The following TBX3 variants were observed in gnomAD, a reference collection of about 807,000 sequenced individuals.
TBX3 encodes the protein T-box transcription factor 3, also known as T-box transcription factor TBX3.
A neutral mutation model predicts 47.8 loss-of-function variants in TBX3; 11 were observed. That is an observed-to-expected ratio of 0.23 (90% confidence interval 0.14 to 0.38). The LOEUF is 0.38. Among genes scored for constraint, TBX3 ranks in the 10% least tolerant of loss-of-function variants. TBX3 has a pLI of 1.00. For synonymous variants in TBX3, 500 were observed against 449.3 expected (o/e 1.11, Z -1.43); for missense variants, 927 against 1,022.8 (o/e 0.91, Z 1.28).
intron 4 of TBX3, 47 bp from the exon 5 acceptor site, chr12:114,676,517 C>G: frequency 1.9e-6 from 3 of 1,612,262 alleles, no homozygotes; most frequent in Non-Finnish European, 2.5e-6. Flanking sequence ...ACATACATTT[C>G]CCCTCTTTGT....
chr12:114,673,386 C>T (rs891742658), intron 6 of TBX3, among the ~76,000 whole-genome samples: 1 of 152,204 alleles, frequency 6.6e-6, no homozygotes, highest in Non-Finnish European at 1.5e-5. Context: ...CTGAGACCTC[C>T]CCCCAGCACA....
In TBX3 at chr12:114,676,452, C is replaced by A; in HGVS notation, c.900G>T (p.Gln300His). The part of the protein sequence containing the change: ...RREKRKQLTL[Q>H]SMRVFDERHK... ...GTCTTTCATCAAACACCCTCATGGA[C>A]TGCAGGGTGAGCTGTTTTCTGTGGC... The change falls in exon 5 of 7, where the codon CAG (glutamine) becomes CAT (histidine). Residue 300 changes from glutamine to histidine, a missense_variant. Transcript: ENST00000349155. 6.2e-7 allele frequency: 1 copy of A among 1,614,262 alleles called. No homozygotes were observed. Among genetic ancestry groups the A allele is most frequent in the Non-Finnish European group, 8.5e-7 (1 of 1,180,056 alleles).
At chr12:114,681,325 G>A (rs566571128) in intron 1 of TBX3, among the ~76,000 whole-genome samples, 179 bp from the exon 2 acceptor site, 4 of 152,254 alleles carry the variant, frequency 2.6e-5, no homozygotes, top group South Asian at 4.2e-4. Flanking sequence ...CACAACTAAC[G>A]TATTAAATAT....
chr12:114,672,452 G>GT, intron 6 of TBX3, 150 bp from the exon 7 acceptor site: 1 of 611,822 alleles, frequency 1.6e-6, no homozygotes, highest in Non-Finnish European at 2.6e-6. Flanking sequence ...TTTTTTGGGG[G>GT]GGGAGATAGG....
In TBX3 at chr12:114,671,758, C is replaced by T. The variant is rs1387130329; in HGVS notation, c.*83G>A. 3 of 1,515,644 alleles carry T rather than the reference C, an allele frequency of 2.0e-6. No individual in the cohort carries two copies. The highest frequency in any genetic ancestry group is 2.7e-6 in the Non-Finnish European group (3 of 1,118,066). The allele number at this position is 1,515,644 out of a possible 1,614,324, so 93.9% of individuals were successfully genotyped here. A position where few individuals can be genotyped will look rare whatever the true frequency, so the allele number is the denominator to read the frequency against. ...GCAAAAGGAAGGGCTAACGCCATGG[C>T]GGGCCCGTGGTTTATTTTATATCCG... On this transcript the variant is annotated 3_prime_UTR_variant, in exon 7 of 7. Transcript: ENST00000349155.
rs1453795458 is a variant in TBX3 at position 114,674,724 on chromosome 12, C to G, written c.1151G>C (p.Cys384Ser). 1.2e-6 allele frequency: 2 copies of G among 1,600,318 alleles called. No homozygotes were observed. Among genetic ancestry groups the G allele is most frequent in the East Asian group, 4.5e-5 (2 of 44,602 alleles). ...GACCGCGGGGCTGCCCTTGTCACGGCAGGGCTCCTCCGACGTGGTGGTGGA... is the reference window on the plus strand; with the variant it reads ...GACCGCGGGGCTGCCCTTGTCACGGGAGGGCTCCTCCGACGTGGTGGTGGA... Reference protein sequence around the residue: ...KISTTTSEEPCRDKGSPAVKA... With the variant: ...KISTTTSEEPSRDKGSPAVKA... Residue 384 changes from cysteine (C) to serine (S), a missense_variant, in exon 6 of 7, where the codon TGC becomes TCC. Coordinates refer to ENST00000349155, the MANE Select transcript of TBX3 (RefSeq NM_005996.4).
intron 3 of TBX3, 58 bp downstream of exon 3, chr12:114,679,447 C>A: frequency 1.9e-6 from 3 of 1,609,058 alleles, no homozygotes; most frequent in Non-Finnish European, 2.6e-6. Flanking sequence ...TGACTTAAAG[C>A]AGCTTTTAAG....
intron 4 of TBX3, among the ~76,000 whole-genome samples, chr12:114,677,149 T>C (rs1447116503): frequency 6.6e-6 from 1 of 152,200 alleles, no homozygotes; most frequent in Admixed American, 6.5e-5. Context: ...AAATGATACA[T>C]GTCCCCACGA....
chr12:114,672,436 G>GC, intron 6 of TBX3, 134 bp from the exon 7 acceptor site: 2 of 421,016 alleles, frequency 4.8e-6, no homozygotes, highest in Non-Finnish European at 7.4e-6. Flanking sequence ...TTGTTGTTGT[G>GC]TTTTTTTTTT....
intron 1 of TBX3, among the ~76,000 whole-genome samples, chr12:114,681,524 G>A (rs1028164542): frequency 3.3e-5 from 5 of 152,114 alleles, no homozygotes; most frequent in African/African-American, 1.2e-4. Context: ...AACAGGTTGG[G>A]GTAAGATTTT....
Position 114,683,386 on chromosome 12 carries a change from AGT to A in TBX3, c.-188_-187del, listed in dbSNP as rs1400491275. 9 of 793,368 alleles carry A rather than the reference AGT, an allele frequency of 1.1e-5. No individual in the cohort carries two copies. The highest frequency in any genetic ancestry group is 1.5e-5 in the Non-Finnish European group (8 of 519,456). 49.1% of individuals were successfully genotyped at this position (793,368 alleles called of 1,614,324 possible). ...AATGCACTTCAAAGGGAGGAGGGGAAGTGTCTTTTGGAGAATGGGAGGCCGCT... is the reference window on the plus strand; with the variant it reads ...AATGCACTTCAAAGGGAGGAGGGGAAGTCTTTTGGAGAATGGGAGGCCGCT... On this transcript the variant is annotated 5_prime_UTR_variant, in exon 1 of 7. Transcript: ENST00000349155. The surrounding 1 kb of genome is among the most constrained non-coding windows in gnomAD (Gnocchi z 7.7).
At position 114,684,042 on chromosome 12, in the gene TBX3, A is replaced by C. The variant is rs985940696; in HGVS notation, c.-842T>G. 5 of 230,126 alleles carry C rather than the reference A, an allele frequency of 2.2e-5. No homozygotes were observed. The highest frequency in any genetic ancestry group is 5.7e-5 in the Admixed American group (1 of 17,526). 14.3% of individuals were successfully genotyped at this position (230,126 alleles called of 1,614,324 possible). A position where few individuals can be genotyped will look rare whatever the true frequency, so the allele number is the denominator to read the frequency against. On this transcript the variant is annotated 5_prime_UTR_variant, in exon 1 of 7. Transcript: ENST00000349155. Reference sequence around the variant, plus strand: ...GGGCAGGGAGGATTTAGAGGGGGAAAAAATGGAACAGAGGGAAAGAGAGGG... The same window carrying C: ...GGGCAGGGAGGATTTAGAGGGGGAACAAATGGAACAGAGGGAAAGAGAGGG...
Position 114,674,821 on chromosome 12 carries a change from C to T in TBX3, c.1054G>A (p.Glu352Lys). ...TSNLKDLCPS[E>K]GESDAEAESK... ...TCGGCCTCGGCGTCGCTCTCACCCTCGCTGGGACATAAATCTACCACAGGC... is the reference window on the plus strand; with the variant it reads ...TCGGCCTCGGCGTCGCTCTCACCCTTGCTGGGACATAAATCTACCACAGGC... Residue 352 changes from glutamate to lysine, a missense_variant, in exon 6 of 7, where the codon GAG becomes AAG. Transcript: ENST00000349155. 6.4e-7 allele frequency: 1 copy of T among 1,573,050 alleles called. No individual in the cohort carries two copies. Among genetic ancestry groups the T allele is most frequent in the Non-Finnish European group, 8.6e-7 (1 of 1,165,668 alleles).
chr12:114,676,476 G>A lies in TBX3; in HGVS notation c.882-6C>T. 6.2e-7 allele frequency: 1 copy of A among 1,614,206 alleles called. No individual in the cohort carries two copies. Among genetic ancestry groups the A allele is most frequent in the Non-Finnish European group, 8.5e-7 (1 of 1,180,034 alleles). ...ACTGCAGGGTGAGCTGTTTTCTGTG[G>A]CAGAAGCCCACACCCAGGTTACAGA... On this transcript the variant is annotated splice_region_variant and splice_polypyrimidine_tract_variant and intron_variant, in intron 4 of 6. Coordinates refer to ENST00000349155, the MANE Select transcript of TBX3 (RefSeq NM_005996.4).
At chr12:114,674,119 G>A in intron 6 of TBX3, 46 bp downstream of exon 6, 1 of 1,561,574 alleles carries the variant, frequency 6.4e-7, no homozygotes, top group Non-Finnish European at 8.7e-7. Flanking sequence ...AGGGAAACTG[G>A]ACGAAAGGTG....
chr12:114,675,390 C>A lies in TBX3; in HGVS notation c.1040-555G>T, dbSNP rs561664766. ...CAGAACGGACACCTGTCCTTCAACA[C>A]CAGTACTCAGTTGAACCGTTTGTAT... is the stretch of plus-strand genomic sequence containing the variant. On this transcript the variant is annotated intron_variant, in intron 5 of 6. Coordinates refer to ENST00000349155, the MANE Select transcript of TBX3 (RefSeq NM_005996.4). Among the ~76,000 whole-genome samples, 4 of 152,276 alleles carry A rather than the reference C, an allele frequency of 2.6e-5. No homozygotes were observed. In the South Asian group the frequency reaches 8.3e-4, roughly 32 times the overall value.
chr12:114,672,801 A>C (rs1868509775), intron 6 of TBX3, among the ~76,000 whole-genome samples: 2 of 152,028 alleles, frequency 1.3e-5, no homozygotes, highest in South Asian at 4.1e-4. Context: ...TTCTTCCCCA[A>C]CCCCCATCCT....
In TBX3 at chr12:114,670,393, C is replaced by A. The variant is rs1050039294; in HGVS notation, c.*1448G>T. 1 of 221,814 alleles carries A rather than the reference C, an allele frequency of 4.5e-6. No individual in the cohort carries two copies. Among genetic ancestry groups the A allele is most frequent in the Non-Finnish European group, 9.0e-6 (1 of 110,954 alleles). 13.7% of individuals were successfully genotyped at this position (221,814 alleles called of 1,614,324 possible). A position where few individuals can be genotyped will look rare whatever the true frequency, so the allele number is the denominator to read the frequency against. Reference sequence around the variant, plus strand: ...TTTGTCTTTAAACCATCTCTCAGCACCTGACTTTTGAACTGTGAATATATC... The same window carrying A: ...TTTGTCTTTAAACCATCTCTCAGCAACTGACTTTTGAACTGTGAATATATC... On this transcript the variant is annotated 3_prime_UTR_variant, in exon 7 of 7. Transcript: ENST00000349155.
chr12:114,677,782 G>A, intron 3 of TBX3, 126 bp from the exon 4 acceptor site: 1 of 849,778 alleles, frequency 1.2e-6, no homozygotes, highest in Non-Finnish European at 1.9e-6. Flanking sequence ...AGATATGCCA[G>A]GGAAAGGAGA....
Sources: gnomAD v4.1 joint callset for allele counts (sites outside exome capture counted in the v4.1 genomes callset) on GRCh38, gnomAD v4.1.1 for gene constraint, Gnocchi (gnomAD v3.1) non-coding constraint, MANE v1.5 for transcripts, NCBI Gene and HGNC (gene_info 2026-07-23, HGNC 2026-07-21) for gene names.